RNGTT: variants seen among roughly 807,000 people sequenced by gnomAD.
RNGTT encodes the protein RNA guanylyltransferase and 5'-phosphatase.
Under a neutral mutation model 79.3 loss-of-function variants are expected in RNGTT, and 33 were observed. That is an observed-to-expected ratio of 0.42 (90% CI 0.32 to 0.56). The LOEUF (loss-of-function observed/expected upper bound fraction) is 0.56, where lower values mean the gene tolerates loss of function less well. RNGTT is among the 20% of genes least tolerant of loss of function. The pLI is 0.17. For synonymous variants in RNGTT, 222 were observed against 235.9 expected (o/e 0.94, Z 0.54); for missense variants, 497 against 739.1 (o/e 0.67, Z 3.80).
rs946026652 is a variant in RNGTT, at chr6:88,777,256, T to C, written c.1339-7382A>G. Among the ~76,000 whole-genome samples, 4 of 152,206 alleles carry C rather than the reference T, an allele frequency of 2.6e-5. No homozygotes were observed. The East Asian group carries it at 7.7e-4, about 29-fold the overall frequency. On this transcript the variant is annotated intron_variant, in intron 12 of 15. Transcript: ENST00000369485. ...CATTTTAATTACTGGAGCTTAGTAA[T>C]ATAACTTGAAACCAGGAAGTGTGAT...
At chr6:88,937,998 G>A (rs1784724272) in intron 2 of RNGTT, among the ~76,000 whole-genome samples, 1 of 152,162 alleles carries the variant, frequency 6.6e-6, no homozygotes, top group African/African-American at 2.4e-5. Flanking sequence ...CAAGAAAAAT[G>A]TGTATTCTAT....
intron 14 of RNGTT, among the ~76,000 whole-genome samples, chr6:88,636,851 A>G (rs779885018): frequency 6.6e-6 from 1 of 151,930 alleles, no homozygotes; most frequent in African/African-American, 2.4e-5. Flanking sequence ...TCTATCTAGT[A>G]TCTTCCTCAT....
intron 8 of RNGTT, among the ~76,000 whole-genome samples, chr6:88,889,897 C>T (rs1375437527): frequency 6.6e-6 from 1 of 152,052 alleles, no homozygotes; most frequent in Non-Finnish European, 1.5e-5. Context: ...GAGGATTACT[C>T]GAGCCCAGGA....
chr6:88,737,203 G>T (rs1777316352), intron 13 of RNGTT, among the ~76,000 whole-genome samples: 1 of 152,144 alleles, frequency 6.6e-6, no homozygotes, highest in South Asian at 2.1e-4. Flanking sequence ...CTTCAGGGTG[G>T]TATGGCCATA....
At chr6:88,671,200 A>G (rs1010754991) in intron 14 of RNGTT, among the ~76,000 whole-genome samples, 4 of 152,172 alleles carry the variant, frequency 2.6e-5, no homozygotes, top group African/African-American at 9.7e-5. Flanking sequence ...TATACCTAGA[A>G]AACCCTAAAG....
At chr6:88,627,967 T>A (rs1485037235) in intron 14 of RNGTT, among the ~76,000 whole-genome samples, 2 of 152,168 alleles carry the variant, frequency 1.3e-5, no homozygotes, top group African/African-American at 4.8e-5. Context: ...TATTTTACTG[T>A]TTGCCATGCA....
At chr6:88,853,862 T>G (rs1223229173) in intron 8 of RNGTT, 98 bp from the exon 9 acceptor site, 5 of 626,778 alleles carry the variant, frequency 8.0e-6, no homozygotes, top group Non-Finnish European at 1.1e-5. Context: ...CTTAAACATC[T>G]GTAGACTAAT....
intron 14 of RNGTT, among the ~76,000 whole-genome samples, chr6:88,644,687 G>T (rs2127774625): frequency 6.6e-6 from 1 of 152,312 alleles, no homozygotes; most frequent in Admixed American, 6.5e-5. Context: ...GGGATGCAAG[G>T]CTGGTTCAAC....
chr6:88,884,762 T>C (rs978471004), intron 8 of RNGTT, among the ~76,000 whole-genome samples: 2 of 152,008 alleles, frequency 1.3e-5, no homozygotes, highest in East Asian at 3.9e-4. Context: ...AGAGAGAAAA[T>C]AATTAAGTAA....
chr6:88,691,679 T>C (rs1775488158), intron 13 of RNGTT, among the ~76,000 whole-genome samples: 1 of 152,194 alleles, frequency 6.6e-6, no homozygotes, highest in Non-Finnish European at 1.5e-5. Context: ...TAAATGGGTG[T>C]TAGTTACATA....
At chr6:88,785,835 AAATATTAATATTTCAAAAGAATGC>A (rs1210848981) in intron 12 of RNGTT, among the ~76,000 whole-genome samples, 1 of 152,196 alleles carries the variant, frequency 6.6e-6, no homozygotes, top group Non-Finnish European at 1.5e-5. Flanking sequence ...GATTTAATAA[AAATATTAATATTTCAAAAGAATGC>A]AATATTAAAA....
intron 13 of RNGTT, among the ~76,000 whole-genome samples, chr6:88,736,163 A>C (rs1777277064): frequency 6.6e-6 from 1 of 151,208 alleles, no homozygotes; most frequent in African/African-American, 2.4e-5. Flanking sequence ...GCCAATATTT[A>C]TTTTAAAAAT....
chr6:88,832,510 G>C (rs1780905919), intron 11 of RNGTT, among the ~76,000 whole-genome samples: 1 of 152,048 alleles, frequency 6.6e-6, no homozygotes, highest in Non-Finnish European at 1.5e-5. Flanking sequence ...ATACCATTCA[G>C]GACATAGGCA....
chr6:88,683,798 T>C (rs1010853121), intron 13 of RNGTT, among the ~76,000 whole-genome samples: 1 of 152,128 alleles, frequency 6.6e-6, no homozygotes, highest in African/African-American at 2.4e-5. Flanking sequence ...GAGGATCACT[T>C]GAGGCCAAGA....
intron 8 of RNGTT, among the ~76,000 whole-genome samples, chr6:88,881,854 A>T (rs1357816360): frequency 1.3e-5 from 2 of 152,210 alleles, no homozygotes; most frequent in Non-Finnish European, 2.9e-5. Context: ...ACAAAAACTG[A>T]GAACATCCCA....
rs1218887594 is a variant in RNGTT, at chr6:88,929,085, GA to G, written c.279-13del. On this transcript the variant is annotated splice_polypyrimidine_tract_variant and intron_variant, in intron 3 of 15. Coordinates refer to ENST00000369485, the MANE Select transcript of RNGTT (RefSeq NM_003800.5). ...GGCACTCACCATGTCTAGTAATATA[GA>G]AAAAGTTTTTTTGAAAAAAGAGATT... 1.2e-6 allele frequency: 2 copies of G among 1,602,754 alleles called. No individual in the cohort carries two copies. The highest frequency in any genetic ancestry group is 2.2e-5 in the East Asian group (1 of 44,752).
At chr6:88,775,540 T>A (rs984967874) in intron 12 of RNGTT, among the ~76,000 whole-genome samples, 3 of 152,234 alleles carry the variant, frequency 2.0e-5, no homozygotes, top group Admixed American at 6.5e-5. Flanking sequence ...AATTTTTTTA[T>A]ATTTCTAACC....
chr6:88,891,865 T>G lies in RNGTT; in HGVS notation c.735A>C (p.Thr245=). 6.2e-7 allele frequency: 1 copy of G among 1,605,192 alleles called. No homozygotes were observed. The highest frequency in any genetic ancestry group is 1.1e-5 in the South Asian group (1 of 89,220). Residue 245 remains threonine, a synonymous_variant, in exon 7 of 16, where the codon ACA becomes ACC. Transcript: ENST00000369485. The part of the protein sequence containing the change: ...GVTVKGVTQV[T]TQPKLGEVQQ... The stretch of plus-strand genomic sequence containing the variant: ...GTACCTCTCCTAACTTTGGTTGTGT[T>G]GTTACTTGAGTTACACCTTTAACAG...
chr6:88,957,951 G>C (rs1446221885), intron 1 of RNGTT, among the ~76,000 whole-genome samples: 2 of 152,064 alleles, frequency 1.3e-5, no homozygotes, highest in Non-Finnish European at 2.9e-5. Flanking sequence ...CAAATGTAAA[G>C]GCATCACATT....
Sources: allele counts gnomAD v4.1 joint callset (sites outside exome capture counted in the v4.1 genomes callset), GRCh38; gene constraint gnomAD v4.1.1; transcripts MANE v1.5; gene names NCBI Gene and HGNC (gene_info 2026-07-23, HGNC 2026-07-21).